MED27: variants seen among roughly 807,000 people sequenced by gnomAD.
MED27 encodes the protein mediator complex subunit 27.
A neutral mutation model predicts 38.2 loss-of-function variants in MED27; 30 were observed. The ratio of observed to expected loss-of-function variants is 0.79; its 90% confidence interval spans 0.59 to 1.07. The LOEUF (loss-of-function observed/expected upper bound fraction) is 1.07, where lower values mean the gene tolerates loss of function less well. Ranked by LOEUF, MED27 falls within the 50% of genes least tolerant of loss-of-function variation. MED27 has a pLI of 0.00. For synonymous variants in MED27, 122 were observed against 153.5 expected (o/e 0.79, Z 1.52); for missense variants, 289 against 397.5 (o/e 0.73, Z 2.32).
intron 3 of MED27, among the ~76,000 whole-genome samples, chr9:131,967,264 T>C (rs1262622113): frequency 6.6e-6 from 1 of 152,226 alleles, no homozygotes; most frequent in East Asian, 1.9e-4. Flanking sequence ...AAATGCATGG[T>C]ACAATTTTCG....
chr9:131,951,431 G>A (rs1830994353), intron 3 of MED27, among the ~76,000 whole-genome samples: 1 of 152,198 alleles, frequency 6.6e-6, no homozygotes, highest in Non-Finnish European at 1.5e-5. Flanking sequence ...CACACAGCAG[G>A]CTCTCAACAG....
chr9:131,878,533 A>G (rs1470730463), intron 6 of MED27, among the ~76,000 whole-genome samples: 3 of 152,074 alleles, frequency 2.0e-5, no homozygotes, highest in South Asian at 2.1e-4. Flanking sequence ...AGAAAGCTGC[A>G]AAGTGTGTGT....
intron 4 of MED27, among the ~76,000 whole-genome samples, chr9:131,925,683 G>T (rs1054622922): frequency 1.3e-5 from 2 of 152,028 alleles, no homozygotes; most frequent in Non-Finnish European, 2.9e-5. Context: ...GAAAATTAAA[G>T]AATAAATTTA....
At chr9:132,042,266 G>GCCAGGCA (rs1181214111) in intron 2 of MED27, among the ~76,000 whole-genome samples, 3 of 152,334 alleles carry the variant, frequency 2.0e-5, no homozygotes, top group Admixed American at 2.0e-4. Flanking sequence ...CATGCTGTGT[G>GCCAGGCA]CCAGGCACGG....
chr9:131,880,891 T>C (rs1839024752), intron 6 of MED27, among the ~76,000 whole-genome samples: 1 of 151,832 alleles, frequency 6.6e-6, no homozygotes, highest in Admixed American at 6.6e-5. Flanking sequence ...AAAAAATACT[T>C]AATACTACAA....
chr9:131,895,314 G>A (rs190884535), intron 4 of MED27, among the ~76,000 whole-genome samples: 5 of 152,308 alleles, frequency 3.3e-5, no homozygotes, highest in African/African-American at 1.2e-4. Context: ...ATGAGGTTTT[G>A]ACGTCACAGA....
intron 5 of MED27, among the ~76,000 whole-genome samples, chr9:131,887,027 C>T (rs1839152399): frequency 6.6e-6 from 1 of 152,184 alleles, no homozygotes; most frequent in Non-Finnish European, 1.5e-5. Flanking sequence ...TTCTTCTGAA[C>T]TTCTTCACTG....
Position 132,051,392 on chromosome 9 carries a change from GC to G in MED27, c.348+26049del, listed in dbSNP as rs976093892. Among the ~76,000 whole-genome samples, 2 of 152,180 alleles carry G rather than the reference GC, an allele frequency of 1.3e-5. No individual in the cohort carries two copies. The highest frequency in any genetic ancestry group is 4.8e-5 in the African/African-American group (2 of 41,434). ...CTAACTACGTTGGGGAAAAAAGAGG[GC>G]TTGTCTTGGCCACAGAGTCCAAGGC... On this transcript the variant is annotated intron_variant, in intron 2 of 7. Coordinates refer to ENST00000292035, the MANE Select transcript of MED27 (RefSeq NM_004269.4). This position sits in a 1 kb window ranked among gnomAD's most constrained non-coding sequence, Gnocchi z 4.2.
chr9:132,011,952 T>C (rs1325136903), intron 3 of MED27, among the ~76,000 whole-genome samples: 1 of 25,354 alleles, frequency 3.9e-5, no homozygotes, highest in Admixed American at 3.9e-4. Flanking sequence ...TCTCGCTCTT[T>C]TTTTTTTTTT....
intron 3 of MED27, among the ~76,000 whole-genome samples, chr9:132,010,567 A>G (rs917661413): frequency 6.6e-5 from 10 of 152,244 alleles, no homozygotes; most frequent in African/African-American, 2.2e-4. Context: ...ATGCTGCTAT[A>G]AAGACACATG....
intron 4 of MED27, among the ~76,000 whole-genome samples, chr9:131,903,891 C>CTT (rs35837340): frequency 2.4e-4 from 31 of 126,720 alleles, no homozygotes; most frequent in African/African-American, 7.0e-4. Flanking sequence ...CCACACACAG[C>CTT]TTTTTTTTTT....
intron 3 of MED27, among the ~76,000 whole-genome samples, chr9:131,947,538 T>C (rs1331126436): frequency 4.6e-5 from 7 of 152,232 alleles, no homozygotes; most frequent in Non-Finnish European, 8.8e-5. Context: ...GTGGAAGACA[T>C]TTCTAAAGAT....
rs539278505 is a variant in MED27, at chr9:132,073,733, G to A, written c.348+3709C>T. The A allele has an allele frequency of 5.9e-6, 9 of 1,516,418 alleles. No individual in the cohort carries two copies. The South Asian group carries it at 1.1e-4, about 19-fold the overall frequency. The allele number at this position is 1,516,418 out of a possible 1,614,324, so 93.9% of individuals were successfully genotyped here. On this transcript the variant is annotated intron_variant, in intron 2 of 7. Transcript: ENST00000292035. ...CAATGGAATATTCTTGGAATAGAAA[G>A]TTGCTCTTTCTGTAATAAAAAAAAA...
At chr9:132,073,557 A>G in intron 2 of MED27, 1 of 1,373,856 alleles carries the variant, frequency 7.3e-7, no homozygotes, top group Non-Finnish European at 9.3e-7. Flanking sequence ...AACGATTCCA[A>G]CCCTGTTAGT....
chr9:131,918,962 A>C (rs147220465), intron 4 of MED27, among the ~76,000 whole-genome samples: 2 of 152,298 alleles, frequency 1.3e-5, no homozygotes, highest in East Asian at 3.9e-4. Context: ...CCTCTCCCTC[A>C]GAAGAAGGCA....
chr9:132,059,822 G>C lies in MED27; in HGVS notation c.348+17620C>G, dbSNP rs185772817. Among the ~76,000 whole-genome samples the C allele has an allele frequency of 5.9e-3, 897 of 152,308 alleles. 7 individuals carry two copies. The highest frequency in any genetic ancestry group is 8.8e-3 in the Non-Finnish European group (596 of 68,028). ...ATTACCAGTCTGAATGGCAGCTTAG[G>C]TGACTGTTGATATATTTAGTACCAA... On this transcript the variant is annotated intron_variant, in intron 2 of 7. Transcript: ENST00000292035.
chr9:131,958,369 T>C (rs1831147816), intron 3 of MED27, among the ~76,000 whole-genome samples: 1 of 151,690 alleles, frequency 6.6e-6, no homozygotes, highest in African/African-American at 2.4e-5. Context: ...CCTCAGCCTC[T>C]TGAGTAGCTG....
chr9:132,011,408 C>T (rs1199000342), intron 3 of MED27, among the ~76,000 whole-genome samples: 1 of 151,902 alleles, frequency 6.6e-6, no homozygotes, highest in African/African-American at 2.4e-5. Flanking sequence ...GTTCTATTTC[C>T]TAGCTTAAAA....
At chr9:131,975,516 A>G (rs1320880175) in intron 3 of MED27, among the ~76,000 whole-genome samples, 1 of 152,194 alleles carries the variant, frequency 6.6e-6, no homozygotes, top group Non-Finnish European at 1.5e-5. Context: ...TCGCTGGGTT[A>G]GTTTCCTTGT....
Sources: gnomAD v4.1 joint callset for allele counts (sites outside exome capture counted in the v4.1 genomes callset) on GRCh38, gnomAD v4.1.1 for gene constraint, Gnocchi (gnomAD v3.1) non-coding constraint, MANE v1.5 for transcripts, NCBI Gene and HGNC (gene_info 2026-07-23, HGNC 2026-07-21) for gene names.